Variants in TSTD2 observed in about 807,000 individuals in gnomAD.
TSTD2 encodes thiosulfate sulfurtransferase/rhodanese-like domain-containing protein 2.
TSTD2 carries 37 observed loss-of-function variants against 47.9 expected under a neutral mutation model. The ratio of observed to expected loss-of-function variants is 0.77; its 90% CI spans 0.59 to 1.02. The LOEUF (loss-of-function observed/expected upper bound fraction) is 1.02. Ranked by LOEUF, TSTD2 falls within the 50% of genes least tolerant of loss-of-function variation. The pLI, the probability that TSTD2 is intolerant of heterozygous loss-of-function variation, is 0.00. For missense variants in TSTD2, 586 were observed against 616.0 expected (o/e 0.95, Z 0.52); for synonymous variants, 201 against 215.9 (o/e 0.93, Z 0.61).
At chr9:97,610,706 C>T (rs916551545) in intron 5 of TSTD2, 8 of 268,016 alleles carry the variant, frequency 3.0e-5, no homozygotes, top group Middle Eastern at 2.1e-3. Context: ...ACTGCAACAC[C>T]GCTGAGCAAT....
rs376999232 is a variant in TSTD2 at position 97,601,139 on chromosome 9, T to G, written c.*1330A>C. On this transcript the variant is annotated 3_prime_UTR_variant, in exon 10 of 10. Transcript: ENST00000341170. ...ACTGAGGCTGCACATGGCCCAGGAG[T>G]GGCACCATGTTGCAGGGACAACCAT... is the stretch of plus-strand genomic sequence containing the variant. 522 of 1,303,576 alleles carry G rather than the reference T, an allele frequency of 4.0e-4. 7 individuals carry two copies. The Middle Eastern group carries it at 6.2e-3, about 15-fold the overall frequency. The allele number at this position is 1,303,576 out of a possible 1,614,324, so 80.8% of individuals were successfully genotyped here.
At chr9:97,617,329 C>T (rs978619053) in intron 4 of TSTD2, among the ~76,000 whole-genome samples, 3 of 152,180 alleles carry the variant, frequency 2.0e-5, no homozygotes, top group African/African-American at 7.2e-5. Context: ...GGAATCACAC[C>T]TCTATGTTCT....
Position 97,606,214 on chromosome 9 carries a change from A to T in TSTD2, c.883T>A (p.Leu295Ile), listed in dbSNP as rs1826362254. 6.2e-7 allele frequency: 1 copy of T among 1,612,342 alleles called. No individual in the cohort carries two copies. The highest frequency in any genetic ancestry group is 1.3e-5 in the African/African-American group (1 of 74,984). ...GEFHKEVEKFLSQANQEQSDT... is the reference protein window; with the variant it reads ...GEFHKEVEKFISQANQEQSDT... ...CTTTGTTCTTGATTTGCCTGAGATAAAAACTTTTCTACTTCTTTATGAAAT... is the reference window on the plus strand; with the variant it reads ...CTTTGTTCTTGATTTGCCTGAGATATAAACTTTTCTACTTCTTTATGAAAT... Residue 295 changes from leucine (L) to isoleucine (I), a missense_variant, in exon 7 of 10, where the codon TTA becomes ATA. Leu to Ile is a conservative substitution (Grantham distance 5). Transcript: ENST00000341170.
At chr9:97,612,754 C>T (rs777087453) in intron 4 of TSTD2, among the ~76,000 whole-genome samples, 1 of 152,204 alleles carries the variant, frequency 6.6e-6, no homozygotes, top group Admixed American at 6.5e-5. Context: ...CGGGGTTTCG[C>T]CATGTTGGCC....
intron 6 of TSTD2, among the ~76,000 whole-genome samples, chr9:97,607,313 A>G (rs1313919983): frequency 2.0e-5 from 3 of 152,214 alleles, no homozygotes; most frequent in Non-Finnish European, 4.4e-5. Flanking sequence ...GTGAATCTGC[A>G]TTATGAGGTA....
At position 97,625,669 on chromosome 9, in the gene TSTD2, T is replaced by C. The variant is rs369934861; in HGVS notation, c.482+12A>G. ...CTTTAAATCAAACCAAAATACAGAA[T>C]GAAAATCTTACCTTATCAGCTCATC... On this transcript the variant is annotated intron_variant, in intron 3 of 9. Transcript: ENST00000341170. 3 of 1,588,958 alleles carry C rather than the reference T, an allele frequency of 1.9e-6. No homozygotes were observed. Among genetic ancestry groups the C allele is most frequent in the Non-Finnish European group, 2.6e-6 (3 of 1,167,170 alleles).
chr9:97,605,482 C>T lies in TSTD2; in HGVS notation c.1113+1G>A, dbSNP rs1344051964. 1 of 1,613,456 alleles carries T rather than the reference C, an allele frequency of 6.2e-7. No individual in the cohort carries two copies. Among genetic ancestry groups the T allele is most frequent in the Admixed American group, 1.7e-5 (1 of 60,024 alleles). On this transcript the variant is annotated splice_donor_variant, in intron 8 of 9. Coordinates refer to ENST00000341170, the MANE Select transcript of TSTD2 (RefSeq NM_139246.5). LOFTEE classifies it high-confidence loss of function. Reference sequence around the variant, plus strand: ...CACAGTGCCCCGGGGTGGTGGCTCACCTTGGCTTTGAGGTAGGCTGAACCC... The same window carrying T: ...CACAGTGCCCCGGGGTGGTGGCTCATCTTGGCTTTGAGGTAGGCTGAACCC...
Position 97,625,864 on chromosome 9 carries a change from T to G in TSTD2, c.299A>C (p.His100Pro). 5 of 1,614,178 alleles carry G rather than the reference T, an allele frequency of 3.1e-6. No homozygotes were observed. The highest frequency in any genetic ancestry group is 4.2e-6 in the Non-Finnish European group (5 of 1,179,992). ...TGTCTGGTGATAAATTTCATCAGCA[T>G]GTTGTGTTGCCACATGTCTATGGAT... Reference protein sequence around the residue: ...TSIHRHVATQHADEIYHQTAS... With the variant: ...TSIHRHVATQPADEIYHQTAS... The change falls in exon 3 of 10, where the codon CAT becomes CCT. Residue 100 changes from histidine (H) to proline (P), a missense_variant. Coordinates refer to ENST00000341170, the MANE Select transcript of TSTD2 (RefSeq NM_139246.5).
chr9:97,607,866 AACAGAGTGAG>A (rs1041801435), intron 6 of TSTD2, among the ~76,000 whole-genome samples: 19 of 152,042 alleles, frequency 1.2e-4, no homozygotes, highest in African/African-American at 3.9e-4. Context: ...CAGCCTGGGC[AACAGAGTGAG>A]ACTCCGTCTC....
In TSTD2 at chr9:97,602,214, C is replaced by T; in HGVS notation, c.*255G>A. On this transcript the variant is annotated 3_prime_UTR_variant, in exon 10 of 10. Transcript: ENST00000341170. ...TGGCCACCAGGCTCAGGCTCTATCC[C>T]TCAGCAGCTTTGGGATCCCATGCAG... The T allele has an allele frequency of 2.1e-6, 1 of 479,468 alleles. No homozygotes were observed. Among genetic ancestry groups the T allele is most frequent in the Non-Finnish European group, 3.7e-6 (1 of 273,456 alleles). The allele number at this position is 479,468 out of a possible 1,614,324, so 29.7% of individuals were successfully genotyped here. A position where few individuals can be genotyped will look rare whatever the true frequency, so the allele number is the denominator to read the frequency against.
In TSTD2 at chr9:97,600,380, G is replaced by C. The variant is rs1205516790; in HGVS notation, c.*2089C>G. 3.0e-6 allele frequency: 3 copies of C among 985,758 alleles called. No individual in the cohort carries two copies. The highest frequency in any genetic ancestry group is 3.6e-6 in the Non-Finnish European group (3 of 830,140). 61.1% of individuals were successfully genotyped at this position (985,758 alleles called of 1,614,324 possible). A position where few individuals can be genotyped will look rare whatever the true frequency, so the allele number is the denominator to read the frequency against. On this transcript the variant is annotated 3_prime_UTR_variant, in exon 10 of 10. Coordinates refer to ENST00000341170, the MANE Select transcript of TSTD2 (RefSeq NM_139246.5). Reference sequence around the variant, plus strand: ...ACCAACCTTTCATTACCAATCCCAGGCAACAAACATGTCCCTGAGTGTTCT... The same window carrying C: ...ACCAACCTTTCATTACCAATCCCAGCCAACAAACATGTCCCTGAGTGTTCT...
chr9:97,629,981 T>C (rs1214308483), intron 1 of TSTD2, among the ~76,000 whole-genome samples: 1 of 152,228 alleles, frequency 6.6e-6, no homozygotes, highest in Non-Finnish European at 1.5e-5. Flanking sequence ...CTGCTTTGTT[T>C]CCCTTACTTT....
chr9:97,612,939 A>G (rs1349519615), intron 4 of TSTD2, among the ~76,000 whole-genome samples: 1 of 152,224 alleles, frequency 6.6e-6, no homozygotes, highest in Non-Finnish European at 1.5e-5. Flanking sequence ...AAAGAATGTG[A>G]ATAAAACTCC....
rs1348414696 is a variant in TSTD2 at position 97,602,634 on chromosome 9, C to T, written c.1386G>A (p.Lys462=). 1.2e-6 allele frequency: 2 copies of T among 1,614,086 alleles called. No individual in the cohort carries two copies. Among genetic ancestry groups the T allele is most frequent in the Non-Finnish European group, 1.7e-6 (2 of 1,180,038 alleles). The change falls in exon 10 of 10, where the codon AAG becomes AAA. Residue 462 remains lysine (K), a synonymous_variant. Transcript: ENST00000341170. ...FTACCVTCQD[K]GSRKVSGPMQ... is the part of the protein sequence containing the mutation. ...TAGGGCCTGAAACTTTCCTGCTCCC[C>T]TTGTCTTGACATGTGACACAACAGG...
chr9:97,621,881 T>G (rs1330396663), intron 3 of TSTD2, among the ~76,000 whole-genome samples: 2 of 152,172 alleles, frequency 1.3e-5, no homozygotes, highest in Non-Finnish European at 2.9e-5. Context: ...TTGAAGCATG[T>G]GATCTCTGTG....
chr9:97,602,282 T>A lies in TSTD2; in HGVS notation c.*187A>T. The A allele has an allele frequency of 1.5e-6, 1 of 651,602 alleles. No individual in the cohort carries two copies. The highest frequency in any genetic ancestry group is 2.5e-6 in the Non-Finnish European group (1 of 392,610). 40.4% of individuals were successfully genotyped at this position (651,602 alleles called of 1,614,324 possible). On this transcript the variant is annotated 3_prime_UTR_variant, in exon 10 of 10. Coordinates refer to ENST00000341170, the MANE Select transcript of TSTD2 (RefSeq NM_139246.5). ...CTCTAGCATCATCCAAATCAGAATG[T>A]CTCAGGTAAGTGGTAGACAACGTGA...
intron 7 of TSTD2, 45 bp downstream of exon 7, chr9:97,606,098 G>T: frequency 1.5e-6 from 2 of 1,335,196 alleles, no homozygotes; most frequent in Non-Finnish European, 2.1e-6. Context: ...TGTGGGAATG[G>T]GGAGATCTAC....
intron 5 of TSTD2, among the ~76,000 whole-genome samples, 172 bp downstream of exon 5, chr9:97,611,402 G>C (rs1160995457): frequency 2.0e-5 from 3 of 151,858 alleles, no homozygotes; most frequent in Non-Finnish European, 4.4e-5. Context: ...GGGTGACAGA[G>C]CAAGACCCTG....
At position 97,625,944 on chromosome 9, in the gene TSTD2, T is replaced by C; in HGVS notation, c.219A>G (p.Glu73=). The change falls in exon 3 of 10, where the codon GAA becomes GAG. Residue 73 remains glutamate (E), a synonymous_variant. Coordinates refer to ENST00000341170, the MANE Select transcript of TSTD2 (RefSeq NM_139246.5). ...TKEVPTKRSF[E]CKEKLWKCCR... The stretch of plus-strand genomic sequence containing the variant: ...AGCATTTCCACAATTTTTCTTTACA[T>C]TCAAAACTCCTTTTTGTTGGAACTT... The C allele has an allele frequency of 6.2e-7, 1 of 1,613,646 alleles. No homozygotes were observed. Among genetic ancestry groups the C allele is most frequent in the South Asian group, 1.1e-5 (1 of 90,924 alleles).
Sources: gnomAD v4.1 joint callset for allele counts (sites outside exome capture counted in the v4.1 genomes callset) on GRCh38, gnomAD v4.1.1 for gene constraint, MANE v1.5 for transcripts, NCBI Gene and HGNC (gene_info 2026-07-23, HGNC 2026-07-21) for gene names.